Variants in CNBD1 observed in about 807,000 individuals in gnomAD.
CNBD1 encodes the protein cyclic nucleotide-binding domain-containing protein 1.
CNBD1 carries 71 observed loss-of-function variants against 54.4 expected under a neutral mutation model. That is an observed-to-expected ratio of 1.30 (90% CI 1.08 to 1.59). The LOEUF is 1.59. CNBD1 is among the 40% of genes most tolerant of loss of function. The pLI is 0.00. For missense variants in CNBD1, 659 were observed against 518.0 expected (o/e 1.27, Z -2.64); for synonymous variants, 182 against 170.7 (o/e 1.07, Z -0.51).
intron 4 of CNBD1, among the ~76,000 whole-genome samples, chr8:86,989,522 C>A (rs934660678): frequency 6.6e-6 from 1 of 152,126 alleles, no homozygotes; most frequent in Non-Finnish European, 1.5e-5. Flanking sequence ...ACGATCCTGG[C>A]TCACTGCAAC....
chr8:87,370,453 T>C (rs1038217216), intron 10 of CNBD1, among the ~76,000 whole-genome samples: 2 of 152,198 alleles, frequency 1.3e-5, no homozygotes, highest in South Asian at 2.1e-4. Context: ...ATTGTGGTTT[T>C]GATTTGCATT....
At chr8:87,034,759 A>G (rs1809871560) in intron 4 of CNBD1, among the ~76,000 whole-genome samples, 1 of 152,094 alleles carries the variant, frequency 6.6e-6, no homozygotes, top group Non-Finnish European at 1.5e-5. Flanking sequence ...TTTTTGATTT[A>G]TCACAAATCT....
At chr8:87,118,002 T>C (rs139709715) in intron 4 of CNBD1, among the ~76,000 whole-genome samples, 16 of 152,202 alleles carry the variant, frequency 1.1e-4, no homozygotes, top group African/African-American at 3.6e-4. Context: ...TGTTAGAATA[T>C]GTTAAGCATA....
At chr8:86,910,845 G>T (rs886176908) in intron 3 of CNBD1, among the ~76,000 whole-genome samples, 2 of 152,172 alleles carry the variant, frequency 1.3e-5, no homozygotes, top group Non-Finnish European at 2.9e-5. Context: ...AGAGAGACGG[G>T]GTCCCAAGTG....
chr8:87,329,265 A>T (rs1486435946), intron 8 of CNBD1, among the ~76,000 whole-genome samples: 4 of 151,978 alleles, frequency 2.6e-5, no homozygotes, highest in Non-Finnish European at 5.9e-5. Flanking sequence ...TGATCTATTT[A>T]TCTATATCTT....
chr8:87,135,845 C>T (rs549088769), intron 4 of CNBD1, among the ~76,000 whole-genome samples: 2 of 151,866 alleles, frequency 1.3e-5, no homozygotes, highest in Admixed American at 6.6e-5. Flanking sequence ...GTTATATAAT[C>T]TTACACCTCC....
intron 5 of CNBD1, among the ~76,000 whole-genome samples, chr8:87,218,420 T>C (rs1329896767): frequency 6.6e-6 from 1 of 152,124 alleles, no homozygotes; most frequent in Non-Finnish European, 1.5e-5. Flanking sequence ...CATTCAATTA[T>C]AATGCTGAAT....
chr8:87,115,591 A>C (rs966023783), intron 4 of CNBD1, among the ~76,000 whole-genome samples: 5 of 152,150 alleles, frequency 3.3e-5, no homozygotes, highest in African/African-American at 1.2e-4. Context: ...AGTGGCAGTC[A>C]ATGACAAGGC....
At chr8:87,319,888 C>T (rs1809482468) in intron 8 of CNBD1, among the ~76,000 whole-genome samples, 1 of 151,986 alleles carries the variant, frequency 6.6e-6, no homozygotes, top group South Asian at 2.1e-4. Context: ...GATACCCTTG[C>T]ATTGGATTTT....
intron 2 of CNBD1, among the ~76,000 whole-genome samples, chr8:87,420,879 A>C (rs1182626398): frequency 1.3e-5 from 2 of 151,822 alleles, no homozygotes; most frequent in Non-Finnish European, 2.9e-5. Flanking sequence ...GCCATGTCTT[A>C]TGATCCTTTT....
chr8:87,104,415 T>C (rs1455565818), intron 4 of CNBD1, among the ~76,000 whole-genome samples: 1 of 152,214 alleles, frequency 6.6e-6, no homozygotes, highest in African/African-American at 2.4e-5. Context: ...CATGCATAGA[T>C]AGTCTACTGA....
chr8:86,937,479 G>T (rs1192824032), intron 3 of CNBD1, among the ~76,000 whole-genome samples: 1 of 152,160 alleles, frequency 6.6e-6, no homozygotes, highest in Non-Finnish European at 1.5e-5. Flanking sequence ...TAACTCAGAA[G>T]TCCAGAGTCC....
intron 8 of CNBD1, among the ~76,000 whole-genome samples, chr8:87,318,157 C>A (rs1052573467): frequency 6.6e-6 from 1 of 150,380 alleles, no homozygotes; most frequent in Non-Finnish European, 1.5e-5. Context: ...TAATTGTCTT[C>A]TGATTCTAAT....
At chr8:86,890,589 T>C (rs6986180) in intron 2 of CNBD1, among the ~76,000 whole-genome samples, 75,291 of 151,930 alleles carry the variant, frequency 0.5, 18,889 homozygotes, top group South Asian at 0.58. Flanking sequence ...TCAGTTTCTT[T>C]GGATACATAC....
chr8:87,370,904 A>G (rs1259285342), intron 10 of CNBD1, among the ~76,000 whole-genome samples: 1 of 151,226 alleles, frequency 6.6e-6, no homozygotes, highest in Non-Finnish European at 1.5e-5. Context: ...TAATTTTTGT[A>G]TAAGGTATAA....
At chr8:87,264,080 T>C (rs1808197864) in intron 6 of CNBD1, among the ~76,000 whole-genome samples, 1 of 152,114 alleles carries the variant, frequency 6.6e-6, no homozygotes, top group Admixed American at 6.6e-5. Context: ...ATGTGCCATG[T>C]TGGTGTGCTG....
At chr8:86,869,741 A>C (rs117738332) in intron 1 of CNBD1, among the ~76,000 whole-genome samples, 1 of 152,208 alleles carries the variant, frequency 6.6e-6, no homozygotes, top group Non-Finnish European at 1.5e-5. Flanking sequence ...CAAACTGTAC[A>C]GTTTTACCAC....
chr8:87,276,748 G>A (rs942152750), intron 6 of CNBD1, among the ~76,000 whole-genome samples: 1 of 151,748 alleles, frequency 6.6e-6, no homozygotes, highest in Non-Finnish European at 1.5e-5. Flanking sequence ...AAGAAAGAAG[G>A]GAAATACATT....
chr8:87,002,468 C>T (rs1336940120), intron 4 of CNBD1, among the ~76,000 whole-genome samples: 4 of 152,126 alleles, frequency 2.6e-5, no homozygotes, highest in African/African-American at 9.7e-5. Context: ...TGACTTCACA[C>T]GTAATACTCT....
Sources: gnomAD v4.1 joint callset for allele counts (sites outside exome capture counted in the v4.1 genomes callset) on GRCh38, gnomAD v4.1.1 for gene constraint, MANE v1.5 for transcripts, NCBI Gene and HGNC (gene_info 2026-07-23, HGNC 2026-07-21) for gene names.